The following CDH13 variants were observed in gnomAD, a reference collection of about 807,000 sequenced individuals.
CDH13 encodes cadherin 13.
A neutral mutation model predicts 63.8 loss-of-function variants in CDH13; 24 were observed. That is an observed-to-expected ratio of 0.38 (90% CI 0.27 to 0.53). The LOEUF is 0.53. Ranked by LOEUF, CDH13 falls within the 20% of genes least tolerant of loss-of-function variation. CDH13 has a pLI of 0.85. For synonymous variants in CDH13, 503 were observed against 355.3 expected (o/e 1.42, Z -4.67); for missense variants, 1,049 against 903.1 (o/e 1.16, Z -2.07).
intron 1 of CDH13, among the ~76,000 whole-genome samples, chr16:82,794,450 T>C (rs2036481584): frequency 6.6e-6 from 1 of 151,418 alleles, no homozygotes. Flanking sequence ...GAGGGAAATC[T>C]AGGGGTGGAG....
intron 2 of CDH13, among the ~76,000 whole-genome samples, chr16:82,937,460 C>G (rs765408992): frequency 3.3e-5 from 5 of 152,136 alleles, no homozygotes; most frequent in East Asian, 1.9e-4. Context: ...CACACACACA[C>G]AGTCTAGCTG....
intron 10 of CDH13, among the ~76,000 whole-genome samples, chr16:83,690,333 T>A (rs562847705): frequency 6.6e-6 from 1 of 151,770 alleles, no homozygotes; most frequent in Non-Finnish European, 1.5e-5. Flanking sequence ...TCACTCTAGA[T>A]AGAGGGTCAG....
intron 8 of CDH13, among the ~76,000 whole-genome samples, chr16:83,631,931 A>G (rs1910813765): frequency 6.6e-6 from 1 of 152,224 alleles, no homozygotes; most frequent in African/African-American, 2.4e-5. Flanking sequence ...CTCGTTCGCC[A>G]GCTGAGCAAA....
chr16:82,952,788 C>G (rs1358519998), intron 2 of CDH13, among the ~76,000 whole-genome samples: 2 of 152,178 alleles, frequency 1.3e-5, no homozygotes, highest in African/African-American at 2.4e-5. Context: ...AGATGCTTAT[C>G]TGTATGAAGC....
intron 4 of CDH13, among the ~76,000 whole-genome samples, chr16:83,193,441 A>C (rs1020466381): frequency 6.6e-6 from 1 of 152,266 alleles, no homozygotes; most frequent in South Asian, 2.1e-4. Context: ...GAAGACACAC[A>C]TTGTATTTCT....
intron 8 of CDH13, among the ~76,000 whole-genome samples, chr16:83,644,736 G>T (rs1911630263): frequency 1.3e-5 from 2 of 152,294 alleles, no homozygotes; most frequent in South Asian, 4.1e-4. Flanking sequence ...CCTGTGAATG[G>T]TTCACATCAG....
rs550122478 is a variant in CDH13 at position 83,754,656 on chromosome 16, G to C, written c.1681+6406G>C. Among the ~76,000 whole-genome samples, 124 of 152,284 alleles carry C rather than the reference G, an allele frequency of 8.1e-4. 1 individual carries two copies. The highest frequency in any genetic ancestry group is 1.9e-3 in the South Asian group (9 of 4,826). On this transcript the variant is annotated intron_variant, in intron 11 of 13. Coordinates refer to ENST00000567109, the MANE Select transcript of CDH13 (RefSeq NM_001257.5). ...ATGAGATCTGATGGTTTTATCAGGGGTTTCCACTTTTGCGTCTTCCTCATT... is the reference window on the plus strand; with the variant it reads ...ATGAGATCTGATGGTTTTATCAGGGCTTTCCACTTTTGCGTCTTCCTCATT...
At chr16:82,843,759 G>T (rs1017638155) in intron 1 of CDH13, among the ~76,000 whole-genome samples, 2 of 152,182 alleles carry the variant, frequency 1.3e-5, no homozygotes, top group Non-Finnish European at 2.9e-5. Flanking sequence ...TGCACAGTTG[G>T]AATAAAATGT....
chr16:83,051,189 G>A (rs4783312), intron 3 of CDH13, among the ~76,000 whole-genome samples: 1 of 152,108 alleles, frequency 6.6e-6, no homozygotes. Flanking sequence ...GAGCCACAAC[G>A]AAATGAGTCC....
intron 6 of CDH13, among the ~76,000 whole-genome samples, chr16:83,366,128 C>G (rs1380896042): frequency 6.6e-6 from 1 of 152,184 alleles, no homozygotes; most frequent in Admixed American, 6.5e-5. Context: ...AGTAAAGCTG[C>G]TTTTCACAAC....
chr16:82,845,590 C>G (rs1235015999), intron 1 of CDH13, among the ~76,000 whole-genome samples: 9 of 152,130 alleles, frequency 5.9e-5, no homozygotes, highest in African/African-American at 2.2e-4. Flanking sequence ...TTCAAGGTTT[C>G]TTGGTGTAGA....
intron 2 of CDH13, among the ~76,000 whole-genome samples, chr16:83,002,515 G>A (rs1348959293): frequency 6.6e-6 from 1 of 152,324 alleles, no homozygotes; most frequent in East Asian, 1.9e-4. Flanking sequence ...TGTTATAGCA[G>A]CCACAGGAAA....
intron 1 of CDH13, among the ~76,000 whole-genome samples, chr16:82,685,640 T>C (rs1470483723): frequency 6.6e-6 from 1 of 151,852 alleles, no homozygotes; most frequent in Non-Finnish European, 1.5e-5. Flanking sequence ...GTGCATGTGC[T>C]CTGTGTGTGT....
intron 6 of CDH13, among the ~76,000 whole-genome samples, chr16:83,451,620 A>G (rs1425488458): frequency 6.6e-6 from 1 of 152,134 alleles, no homozygotes; most frequent in Non-Finnish European, 1.5e-5. Flanking sequence ...TGGGCTCAAG[A>G]GATTCTCCCA....
intron 1 of CDH13, among the ~76,000 whole-genome samples, chr16:82,806,857 G>A (rs1328963550): frequency 6.6e-6 from 1 of 152,114 alleles, no homozygotes; most frequent in Non-Finnish European, 1.5e-5. Flanking sequence ...AAACATAACT[G>A]AGAAATACAG....
chr16:83,109,377 T>C lies in CDH13; in HGVS notation c.367-16008T>C, dbSNP rs115079224. Among the ~76,000 whole-genome samples the C allele has an allele frequency of 4.5e-3, 679 of 152,312 alleles. 6 individuals are homozygous for C. Among genetic ancestry groups the C allele is most frequent in the African/African-American group, 0.016 (648 of 41,566 alleles). On this transcript the variant is annotated intron_variant, in intron 3 of 13. Coordinates refer to ENST00000567109, the MANE Select transcript of CDH13 (RefSeq NM_001257.5). ...GAGAAAAGGGATGCAGGAAACCCCA[T>C]GGCTTTGGAAGGAGTAAGTGGGAAG...
chr16:83,593,360 G>T (rs576852615), intron 7 of CDH13, among the ~76,000 whole-genome samples: 1 of 152,154 alleles, frequency 6.6e-6, no homozygotes, highest in Non-Finnish European at 1.5e-5. Context: ...CAGCATGTGT[G>T]TGCTGGAGCC....
At chr16:83,426,024 A>C (rs933228280) in intron 6 of CDH13, among the ~76,000 whole-genome samples, 1 of 152,200 alleles carries the variant, frequency 6.6e-6, no homozygotes, top group Non-Finnish European at 1.5e-5. Context: ...TTTTAAGTGG[A>C]GGTGGTCCTT....
intron 5 of CDH13, among the ~76,000 whole-genome samples, chr16:83,249,752 T>C (rs762344098): frequency 6.6e-6 from 1 of 152,228 alleles, no homozygotes; most frequent in Non-Finnish European, 1.5e-5. Flanking sequence ...GTAACTGTGA[T>C]GGATCAGACT....
Sources: gnomAD v4.1 joint callset for allele counts (sites outside exome capture counted in the v4.1 genomes callset) on GRCh38, gnomAD v4.1.1 for gene constraint, MANE v1.5 for transcripts, NCBI Gene and HGNC (gene_info 2026-07-23, HGNC 2026-07-21) for gene names.